The following TGFB1I1 variants were observed in gnomAD, a reference collection of about 807,000 sequenced individuals.
TGFB1I1 encodes the protein transforming growth factor beta-1-induced transcript 1 protein.
In TGFB1I1, 33 loss-of-function variants were observed where a neutral mutation model predicts 52.0. The ratio of observed to expected loss-of-function variants is 0.63; its 90% CI spans 0.48 to 0.85. TGFB1I1 has a LOEUF of 0.85. TGFB1I1 is among the 40% of genes least tolerant of loss of function. The pLI is 0.00. For synonymous variants in TGFB1I1, 236 were observed against 253.3 expected (o/e 0.93, Z 0.65); for missense variants, 577 against 614.9 (o/e 0.94, Z 0.65).
chr16:31,476,541 G>A lies in TGFB1I1; in HGVS notation c.949G>A (p.Gly317Arg). 6.2e-7 allele frequency: 1 copy of A among 1,613,404 alleles called. No homozygotes were observed. The highest frequency in any genetic ancestry group is 1.7e-5 in the Admixed American group (1 of 59,978). The change falls in exon 9 of 11, where the codon GGG becomes AGG. Residue 317 changes from glycine to arginine, a missense_variant. Transcript: ENST00000394863. This position sits in a 1 kb window ranked among gnomAD's most constrained non-coding sequence, Gnocchi z 7.6. ...HPEHFCCVSC[G>R]EPFGDEGFHE... is the part of the protein sequence containing the mutation. ...AGAGCATTTCTGCTGCGTCAGTTGCGGGGAGCCCTTCGGAGATGAGGGTGA... is the reference window on the plus strand; with the variant it reads ...AGAGCATTTCTGCTGCGTCAGTTGCAGGGAGCCCTTCGGAGATGAGGGTGA...
Position 31,474,444 on chromosome 16 carries a change from G to C in TGFB1I1, c.508G>C (p.Val170Leu). The change falls in exon 6 of 11, where the codon GTT becomes CTT. Residue 170 changes from valine to leucine, a missense_variant. By Grantham distance (32) the Val-to-Leu change is conservative. Transcript: ENST00000394863. The surrounding 1 kb of genome is among the most constrained non-coding windows in gnomAD (Gnocchi z 4.2). ...RLMASLSDFR[V>L]QNHLPASGPT... ...GATGGCCTCACTCTCTGACTTCCGC[G>C]TTCAAAACCATGTGAGTTGGGCAGT... 1 of 1,614,138 alleles carries C rather than the reference G, an allele frequency of 6.2e-7. No homozygotes were observed. The highest frequency in any genetic ancestry group is 1.1e-5 in the South Asian group (1 of 91,082).
chr16:31,473,458 C>T lies in TGFB1I1; in HGVS notation c.31C>T (p.Leu11=), dbSNP rs1304064688. 1.9e-6 allele frequency: 3 copies of T among 1,613,688 alleles called. No individual in the cohort carries two copies. Among genetic ancestry groups the T allele is most frequent in the Non-Finnish European group, 2.5e-6 (3 of 1,179,976 alleles). The part of the protein sequence containing the change: MEDLDALLSD[L]ETTTSHMPRS... ...TCCTGCAGATGCCCTGCTCTCTGAC[C>T]TGGAGACTACCACCTCGCACATGCC... Residue 11 remains leucine, a synonymous_variant, in exon 2 of 11, where the codon CTG becomes TTG. Coordinates refer to ENST00000394863, the MANE Select transcript of TGFB1I1 (RefSeq NM_001042454.3).
chr16:31,477,322 C>T lies in TGFB1I1; in HGVS notation c.1132C>T (p.Pro378Ser), dbSNP rs771612726. The T allele has an allele frequency of 6.2e-7, 1 of 1,608,230 alleles. No individual in the cohort carries two copies. Among genetic ancestry groups the T allele is most frequent in the South Asian group, 1.1e-5 (1 of 90,720 alleles). The part of the protein sequence containing the change: ...DCFVCRECFA[P>S]FSGGSFFEHE... ...TTCCCTTCCCCAGGAATGCTTCGCG[C>T]CCTTCTCGGGAGGCAGCTTTTTCGA... Residue 378 changes from proline to serine, a missense_variant, in exon 11 of 11, where the codon CCC becomes TCC. Physicochemically the swap from Pro to Ser is moderately conservative, Grantham distance 74 (BLOSUM62 -1). This residue lies in a region of TGFB1I1 where 456 missense variants were observed against 461.6 expected (regional missense o/e 0.99). Transcript: ENST00000394863. The surrounding 1 kb of genome is among the most constrained non-coding windows in gnomAD (Gnocchi z 4.7).
In TGFB1I1 at chr16:31,476,847, G is replaced by A. The variant is rs1367179183; in HGVS notation, c.971-15G>A. ...CGCACCCTTTGCTTTCAGCCCACTC[G>A]GTTCCCTCTCCTAGGTTTCCACGAG... On this transcript the variant is annotated splice_polypyrimidine_tract_variant and intron_variant, in intron 9 of 10. Transcript: ENST00000394863. This position sits in a 1 kb window ranked among gnomAD's most constrained non-coding sequence, Gnocchi z 7.6. 2 of 1,611,734 alleles carry A rather than the reference G, an allele frequency of 1.2e-6. No individual in the cohort carries two copies. Among genetic ancestry groups the A allele is most frequent in the East Asian group, 2.2e-5 (1 of 44,836 alleles).
Position 31,476,554 on chromosome 16 carries a change from G to C in TGFB1I1, c.962G>C (p.Gly321Ala). 6.2e-7 allele frequency: 1 copy of C among 1,613,038 alleles called. No homozygotes were observed. The highest frequency in any genetic ancestry group is 8.5e-7 in the Non-Finnish European group (1 of 1,179,812). The part of the protein sequence containing the change: ...FCCVSCGEPF[G>A]DEGFHEREGR... ...TGCGTCAGTTGCGGGGAGCCCTTCG[G>C]AGATGAGGGTGAGAGTGAACTCGAC... Residue 321 changes from glycine to alanine, a missense_variant, in exon 9 of 11, where the codon GGA (glycine) becomes GCA (alanine). Gly to Ala is a moderately conservative substitution (Grantham distance 60, BLOSUM62 0). Transcript: ENST00000394863. The surrounding 1 kb of genome is among the most constrained non-coding windows in gnomAD (Gnocchi z 7.6).
Position 31,477,571 on chromosome 16 carries a change from G to C in TGFB1I1, c.1381G>C (p.Gly461Arg), listed in dbSNP as rs1406433228. Reference protein sequence around the residue: ...YCQPCFLKLFG With the variant: ...YCQPCFLKLFR ...CCAGCCCTGCTTCCTGAAGCTCTTC[G>C]GCTGACAGCCCGCTCGGCTCGCCCT... The change falls in exon 11 of 11, where the codon GGC becomes CGC. Residue 461 changes from glycine (G) to arginine (R), a missense_variant. By Grantham distance (125) the Gly-to-Arg change is moderately radical. Coordinates refer to ENST00000394863, the MANE Select transcript of TGFB1I1 (RefSeq NM_001042454.3). The surrounding 1 kb of genome is among the most constrained non-coding windows in gnomAD (Gnocchi z 4.7). The C allele has an allele frequency of 6.2e-7, 1 of 1,602,210 alleles. No individual in the cohort carries two copies. Among genetic ancestry groups the C allele is most frequent in the Non-Finnish European group, 8.5e-7 (1 of 1,175,334 alleles).
rs1367363675 is a variant in TGFB1I1, at chr16:31,476,314, G to A, written c.888+129G>A. On this transcript the variant is annotated intron_variant, in intron 8 of 10. Coordinates refer to ENST00000394863, the MANE Select transcript of TGFB1I1 (RefSeq NM_001042454.3). This position sits in a 1 kb window ranked among gnomAD's most constrained non-coding sequence, Gnocchi z 7.6. ...ACCCCTACCCCTTCCCCTTGGCAAT[G>A]TCCACGGCCCCTTGGACTCCACTCT... is the stretch of plus-strand genomic sequence containing the variant. 8 of 1,273,714 alleles carry A rather than the reference G, an allele frequency of 6.3e-6. No individual in the cohort carries two copies. In the East Asian group the frequency reaches 2.0e-4, roughly 32 times the overall value. 78.9% of individuals were successfully genotyped at this position (1,273,714 alleles called of 1,614,324 possible).
rs199517151 is a variant in TGFB1I1, at chr16:31,472,276, G to C, written c.13+75G>C. ...GCTGCCTCCCCGCCGTCGCTCTCCC[G>C]CATCTCCCCATCCCTGTCTTCTTAC... On this transcript the variant is annotated intron_variant, in intron 1 of 10. Transcript: ENST00000394863. The C allele has an allele frequency of 1.5e-5, 21 of 1,421,752 alleles. No individual in the cohort carries two copies. The South Asian group carries it at 2.1e-4, about 14-fold the overall frequency. 88.1% of individuals were successfully genotyped at this position (1,421,752 alleles called of 1,614,324 possible).
chr16:31,476,676 G>A lies in TGFB1I1; in HGVS notation c.970+114G>A. ...CATGGTTTTCCTTCTGCTCTCTTCT[G>A]GCCCTGCCCTCTCCTACACAGACTC... On this transcript the variant is annotated intron_variant, in intron 9 of 10. Coordinates refer to ENST00000394863, the MANE Select transcript of TGFB1I1 (RefSeq NM_001042454.3). This position sits in a 1 kb window ranked among gnomAD's most constrained non-coding sequence, Gnocchi z 7.6. 3 of 1,431,386 alleles carry A rather than the reference G, an allele frequency of 2.1e-6. No individual in the cohort carries two copies. Among genetic ancestry groups the A allele is most frequent in the Non-Finnish European group, 1.9e-6 (2 of 1,048,454 alleles). 88.7% of individuals were successfully genotyped at this position (1,431,386 alleles called of 1,614,324 possible). A position where few individuals can be genotyped will look rare whatever the true frequency, so the allele number is the denominator to read the frequency against.
In TGFB1I1 at chr16:31,476,150, C is replaced by T; in HGVS notation, c.853C>T (p.Pro285Ser). The T allele has an allele frequency of 6.2e-7, 1 of 1,613,588 alleles. No homozygotes were observed. The highest frequency in any genetic ancestry group is 8.5e-7 in the Non-Finnish European group (1 of 1,179,970). ...CPECYFERFS[P>S]RCGFCNQPIR... is the part of the protein sequence containing the mutation. ...CGAGTGCTACTTTGAGCGCTTCTCG[C>T]CAAGATGTGGCTTCTGCAACCAGCC... Residue 285 changes from proline (P) to serine (S), a missense_variant, in exon 8 of 11, where the codon CCA becomes TCA. Around this residue, in one of 3 missense-constraint regions of TGFB1I1, gnomAD observed 456 missense variants for 461.6 expected, o/e 0.99. Coordinates refer to ENST00000394863, the MANE Select transcript of TGFB1I1 (RefSeq NM_001042454.3). This position sits in a 1 kb window ranked among gnomAD's most constrained non-coding sequence, Gnocchi z 7.6.
chr16:31,474,551 TC>T lies in TGFB1I1; in HGVS notation c.520-8del. ...CTTTGCTGACTCAATTCTCATGTCC[TC>T]CCCGCTGCAGCTTCCAGCCTCTGGG... is the stretch of plus-strand genomic sequence containing the variant. On this transcript the variant is annotated splice_polypyrimidine_tract_variant and intron_variant, in intron 6 of 10. Transcript: ENST00000394863. The surrounding 1 kb of genome is among the most constrained non-coding windows in gnomAD (Gnocchi z 4.2). The T allele has an allele frequency of 6.2e-7, 1 of 1,608,996 alleles. No individual in the cohort carries two copies. The highest frequency in any genetic ancestry group is 8.5e-7 in the Non-Finnish European group (1 of 1,176,562).
At chr16:31,475,922 G>C (rs1353081165) in intron 7 of TGFB1I1, 90 bp from the exon 8 acceptor site, 1 of 1,367,950 alleles carries the variant, frequency 7.3e-7, no homozygotes, top group Non-Finnish European at 1.0e-6. Flanking sequence ...TGATCGCTCA[G>C]AGAGGACTCG....
intron 2 of TGFB1I1, 61 bp downstream of exon 2, chr16:31,473,617 G>T: frequency 6.2e-7 from 1 of 1,605,756 alleles, no homozygotes. Flanking sequence ...TGGTCTATGG[G>T]GATCTCAGCC....
At position 31,473,728 on chromosome 16, in the gene TGFB1I1, T is replaced by C; in HGVS notation, c.176T>C (p.Leu59Pro). Residue 59 changes from leucine to proline, a missense_variant, in exon 3 of 11, where the codon CTG becomes CCG. Physicochemically the swap from Leu to Pro is moderately conservative, Grantham distance 98 (BLOSUM62 -3). Transcript: ENST00000394863. ...SSGASGDKDH[L>P]YSTVCKPRSP... The stretch of plus-strand genomic sequence containing the variant: ...GGAGCCTCGGGGGACAAGGACCACC[T>C]GTACAGGTGAGGGGCCTGGAAACCA... The C allele has an allele frequency of 1.9e-6, 3 of 1,561,760 alleles. No individual in the cohort carries two copies. The highest frequency in any genetic ancestry group is 2.6e-6 in the Non-Finnish European group (3 of 1,155,002).
At position 31,476,544 on chromosome 16, in the gene TGFB1I1, G is replaced by A. The variant is rs2082424970; in HGVS notation, c.952G>A (p.Glu318Lys). 5 of 1,613,100 alleles carry A rather than the reference G, an allele frequency of 3.1e-6. No individual in the cohort carries two copies. The highest frequency in any genetic ancestry group is 1.7e-5 in the Admixed American group (1 of 59,944). The change falls in exon 9 of 11, where the codon GAG becomes AAG. Residue 318 changes from glutamate to lysine, a missense_variant. By Grantham distance (56) the Glu-to-Lys change is moderately conservative (BLOSUM62 1). Coordinates refer to ENST00000394863, the MANE Select transcript of TGFB1I1 (RefSeq NM_001042454.3). The surrounding 1 kb of genome is among the most constrained non-coding windows in gnomAD (Gnocchi z 7.6). ...PEHFCCVSCG[E>K]PFGDEGFHER... ...GCATTTCTGCTGCGTCAGTTGCGGG[G>A]AGCCCTTCGGAGATGAGGGTGAGAG...
chr16:31,477,800 G>A lies in TGFB1I1; in HGVS notation c.*224G>A, dbSNP rs533245894. The A allele has an allele frequency of 4.9e-6, 3 of 609,806 alleles. No homozygotes were observed. The highest frequency in any genetic ancestry group is 2.4e-5 in the South Asian group (1 of 42,028). 37.8% of individuals were successfully genotyped at this position (609,806 alleles called of 1,614,324 possible). A position where few individuals can be genotyped will look rare whatever the true frequency, so the allele number is the denominator to read the frequency against. On this transcript the variant is annotated 3_prime_UTR_variant, in exon 11 of 11. Coordinates refer to ENST00000394863, the MANE Select transcript of TGFB1I1 (RefSeq NM_001042454.3). The surrounding 1 kb of genome is among the most constrained non-coding windows in gnomAD (Gnocchi z 4.7). ...TGCACACAGACAAGAACTCCCGTGCGGGCCTCCACTCTATTCCCACCCTTG... is the reference window on the plus strand; with the variant it reads ...TGCACACAGACAAGAACTCCCGTGCAGGCCTCCACTCTATTCCCACCCTTG...
chr16:31,477,113 C>T lies in TGFB1I1; in HGVS notation c.1119+103C>T. On this transcript the variant is annotated intron_variant, in intron 10 of 10. Transcript: ENST00000394863. The surrounding 1 kb of genome is among the most constrained non-coding windows in gnomAD (Gnocchi z 4.7). The stretch of plus-strand genomic sequence containing the variant: ...TCAAGGGTGCAGGGCAGGGGGCGGG[C>T]CCTCGGGGGGGCGGGTCACGGGAGG... The T allele has an allele frequency of 7.3e-7, 1 of 1,377,484 alleles. No homozygotes were observed. Among genetic ancestry groups the T allele is most frequent in the Non-Finnish European group, 9.6e-7 (1 of 1,038,486 alleles). The allele number at this position is 1,377,484 out of a possible 1,614,324, so 85.3% of individuals were successfully genotyped here.
chr16:31,475,995 T>C lies in TGFB1I1; in HGVS notation c.715-17T>C, dbSNP rs558366384. ...GTTGTCAGAGCCGCTCTGACCCGCC[T>C]CACCTCCCACTCGCAGGTGGTGACG... On this transcript the variant is annotated splice_polypyrimidine_tract_variant and intron_variant, in intron 7 of 10. Coordinates refer to ENST00000394863, the MANE Select transcript of TGFB1I1 (RefSeq NM_001042454.3). The C allele has an allele frequency of 2.9e-5, 47 of 1,607,406 alleles. No homozygotes were observed. Among genetic ancestry groups the C allele is most frequent in the Non-Finnish European group, 4.0e-5 (47 of 1,177,954 alleles).
rs144215932 is a variant in TGFB1I1, at chr16:31,473,096, C to T, written c.14-345C>T. The T allele has an allele frequency of 1.4e-4, 85 of 624,884 alleles. No individual in the cohort carries two copies. The African/African-American group carries it at 1.5e-3, about 11-fold the overall frequency. 38.7% of individuals were successfully genotyped at this position (624,884 alleles called of 1,614,324 possible). A position where few individuals can be genotyped will look rare whatever the true frequency, so the allele number is the denominator to read the frequency against. Reference sequence around the variant, plus strand: ...GAGTTAACCAGCATGGAAGAGAGAGCGTCCAATCAGAAAGCTGAGGGCCAG... The same window carrying T: ...GAGTTAACCAGCATGGAAGAGAGAGTGTCCAATCAGAAAGCTGAGGGCCAG... On this transcript the variant is annotated intron_variant, in intron 1 of 10. Coordinates refer to ENST00000394863, the MANE Select transcript of TGFB1I1 (RefSeq NM_001042454.3).
Sources: gnomAD v4.1 joint callset for allele counts on GRCh38, gnomAD v4.1.1 for gene constraint, gnomAD v4.1.1 regional missense constraint, Gnocchi (gnomAD v3.1) non-coding constraint, MANE v1.5 for transcripts, NCBI Gene and HGNC (gene_info 2026-07-23, HGNC 2026-07-21) for gene names.